The following ASIC2 variants were observed in gnomAD, a reference collection of about 807,000 sequenced individuals.
The protein encoded by ASIC2 is acid sensing ion channel subunit 2.
Under a neutral mutation model 57.3 loss-of-function variants are expected in ASIC2, and 25 were observed. The observed-to-expected ratio is 0.44, with a 90% CI of 0.32 to 0.61. The LOEUF (loss-of-function observed/expected upper bound fraction) is 0.61. ASIC2 is among the 20% of genes least tolerant of loss of function. ASIC2 has a pLI of 0.06. For missense variants in ASIC2, 641 were observed against 738.1 expected (o/e 0.87, Z 1.52); for synonymous variants, 319 against 307.5 (o/e 1.04, Z -0.39).
chr17:33,399,276 G>A (rs1005952796), intron 1 of ASIC2, among the ~76,000 whole-genome samples: 8 of 152,146 alleles, frequency 5.3e-5, no homozygotes, highest in African/African-American at 1.7e-4. Flanking sequence ...CAAGGAATAT[G>A]TTCACTTCAA....
chr17:34,058,567 G>A (rs1908854826), intron 1 of ASIC2, among the ~76,000 whole-genome samples: 1 of 152,196 alleles, frequency 6.6e-6, no homozygotes, highest in Non-Finnish European at 1.5e-5. Context: ...TTCAAAGACA[G>A]GTAGCAGGCC....
chr17:34,064,129 C>A (rs1169039902), intron 1 of ASIC2, among the ~76,000 whole-genome samples: 6 of 152,168 alleles, frequency 3.9e-5, no homozygotes, highest in Admixed American at 3.9e-4. Flanking sequence ...TCAAACTATA[C>A]TATAAGGCCA....
intron 1 of ASIC2, among the ~76,000 whole-genome samples, chr17:33,168,334 G>A (rs1459222339): frequency 6.6e-6 from 1 of 152,194 alleles, no homozygotes; most frequent in South Asian, 2.1e-4. Context: ...TGAGTAATGG[G>A]TAGAGGCTGA....
At chr17:33,934,837 C>T (rs757788092) in intron 1 of ASIC2, among the ~76,000 whole-genome samples, 1 of 152,228 alleles carries the variant, frequency 6.6e-6, no homozygotes, top group Non-Finnish European at 1.5e-5. Flanking sequence ...CTTTCTCAAA[C>T]CTGTCCCTCC....
intron 3 of ASIC2, among the ~76,000 whole-genome samples, chr17:33,067,587 C>G (rs1332572898): frequency 6.6e-6 from 1 of 152,124 alleles, no homozygotes; most frequent in Non-Finnish European, 1.5e-5. Context: ...AGAAACCACA[C>G]TTTATTCTTT....
At chr17:33,708,308 G>T (rs887818973) in intron 1 of ASIC2, among the ~76,000 whole-genome samples, 1 of 152,120 alleles carries the variant, frequency 6.6e-6, no homozygotes, top group Non-Finnish European at 1.5e-5. Flanking sequence ...TTTTATTTTG[G>T]CTTTCTTTGC....
intron 1 of ASIC2, among the ~76,000 whole-genome samples, chr17:33,558,847 A>G (rs1915987849): frequency 6.6e-6 from 1 of 151,984 alleles, no homozygotes; most frequent in African/African-American, 2.4e-5. Flanking sequence ...GCCTAATGCA[A>G]CCTCTGCCTC....
chr17:34,084,310 C>T (rs1363124554), intron 1 of ASIC2, among the ~76,000 whole-genome samples: 1 of 152,132 alleles, frequency 6.6e-6, no homozygotes, highest in African/African-American at 2.4e-5. Flanking sequence ...GAATCCTTTC[C>T]CCATTGCTTG....
intron 1 of ASIC2, among the ~76,000 whole-genome samples, chr17:33,272,087 TC>T (rs1327681287): frequency 1.3e-5 from 2 of 152,184 alleles, no homozygotes; most frequent in Non-Finnish European, 2.9e-5. Flanking sequence ...CTTGATTGCA[TC>T]CCCCTATCAT....
intron 1 of ASIC2, chr17:34,004,600 C>T (rs1597969988): frequency 6.6e-6 from 1 of 152,306 alleles, no homozygotes; most frequent in Non-Finnish European, 1.5e-5. Context: ...TTTTCTGTGA[C>T]CTTACGTGAG....
chr17:33,871,144 C>A (rs1055738047), intron 1 of ASIC2, among the ~76,000 whole-genome samples: 9 of 152,206 alleles, frequency 5.9e-5, no homozygotes, highest in Admixed American at 3.9e-4. Flanking sequence ...CAGCTATAGG[C>A]TCTCCCGGAT....
intron 4 of ASIC2, among the ~76,000 whole-genome samples, chr17:33,026,859 C>T (rs138347070): frequency 3.9e-3 from 589 of 152,156 alleles, no homozygotes; most frequent in Middle Eastern, 6.8e-3. Context: ...TTTTCGGAGC[C>T]GAAGAGTCAA....
intron 1 of ASIC2, among the ~76,000 whole-genome samples, chr17:33,209,775 T>C (rs1160375356): frequency 6.6e-6 from 1 of 152,358 alleles, no homozygotes; most frequent in South Asian, 2.1e-4. Context: ...AATGAATGCA[T>C]GAACATAGCC....
chr17:33,506,037 T>G (rs12949539), intron 1 of ASIC2, among the ~76,000 whole-genome samples: 152,294 of 152,294 alleles, frequency 1, 76,147 homozygotes, highest in Non-Finnish European at 1. Flanking sequence ...AAGGTTTCCA[T>G]ATCTGCAGTC....
At chr17:33,289,499 T>G (rs768241666) in intron 1 of ASIC2, among the ~76,000 whole-genome samples, 4 of 151,278 alleles carry the variant, frequency 2.6e-5, no homozygotes, top group South Asian at 2.1e-4. Context: ...TTCCTAGGAG[T>G]AGAGGTGGGG....
chr17:34,033,840 C>T (rs150067372), intron 1 of ASIC2, among the ~76,000 whole-genome samples: 2,287 of 152,234 alleles, frequency 0.015, 69 homozygotes, highest in African/African-American at 0.052. Context: ...ATAGACCAAT[C>T]ACAGGCTCTC....
At chr17:33,018,695 A>G (rs2091820455) in intron 7 of ASIC2, among the ~76,000 whole-genome samples, 1 of 152,210 alleles carries the variant, frequency 6.6e-6, no homozygotes, top group Admixed American at 6.5e-5. Context: ...TGACCTTCTC[A>G]GGAGCTTTGT....
intron 1 of ASIC2, among the ~76,000 whole-genome samples, chr17:33,403,263 C>CA (rs1810661123): frequency 6.6e-6 from 1 of 151,972 alleles, no homozygotes; most frequent in Non-Finnish European, 1.5e-5. Context: ...TAAATACACT[C>CA]ACAATATATT....
chr17:34,107,008 T>C (rs939223828), intron 1 of ASIC2, among the ~76,000 whole-genome samples: 1 of 152,182 alleles, frequency 6.6e-6, no homozygotes, highest in African/African-American at 2.4e-5. Flanking sequence ...AATATACATA[T>C]GCGCAAACCT....
Sources: gnomAD v4.1 joint callset for allele counts (sites outside exome capture counted in the v4.1 genomes callset) on GRCh38, gnomAD v4.1.1 for gene constraint, MANE v1.5 for transcripts, NCBI Gene and HGNC (gene_info 2026-07-23, HGNC 2026-07-21) for gene names.